CTNND1: variants seen among roughly 807,000 people sequenced by gnomAD.
CTNND1 encodes the protein catenin delta-1.
Under a neutral mutation model 112.1 loss-of-function variants are expected in CTNND1, and 16 were observed. That is an observed-to-expected ratio of 0.14 (90% CI 0.10 to 0.22). The LOEUF (loss-of-function observed/expected upper bound fraction) is 0.22, where lower values mean the gene tolerates loss of function less well. CTNND1 is among the 10% of genes least tolerant of loss of function. CTNND1 has a pLI of 1.00. For synonymous variants in CTNND1, 420 were observed against 446.5 expected (o/e 0.94, Z 0.75); for missense variants, 1,008 against 1,257.0 (o/e 0.80, Z 3.00).
At chr11:57,793,504 TA>T (rs1176622044) in intron 3 of CTNND1, among the ~76,000 whole-genome samples, 1 of 152,216 alleles carries the variant, frequency 6.6e-6, no homozygotes, top group Non-Finnish European at 1.5e-5. Flanking sequence ...CTTCTTTCTT[TA>T]AAAAGCTGCC....
At chr11:57,763,120 T>C (rs1441529296) in intron 1 of CTNND1, among the ~76,000 whole-genome samples, 7 of 152,210 alleles carry the variant, frequency 4.6e-5, no homozygotes, top group African/African-American at 1.7e-4. Context: ...TGAAATCTCT[T>C]AGAGCTGAAG....
At position 57,808,417 on chromosome 11, in the gene CTNND1, C is replaced by A; in HGVS notation, c.2119C>A (p.Arg707Ser). 1.2e-6 allele frequency: 2 copies of A among 1,610,976 alleles called. No homozygotes were observed. Among genetic ancestry groups the A allele is most frequent in the African/African-American group, 1.3e-5 (1 of 74,922 alleles). The change falls in exon 14 of 21, where the codon CGT (arginine) becomes AGT (serine). Residue 707 changes from arginine to serine, a missense_variant. Physicochemically the swap from Arg to Ser is moderately radical, Grantham distance 110. Coordinates refer to ENST00000399050, the MANE Select transcript of CTNND1 (RefSeq NM_001085458.2). ...TGGTCGATACATCCGCTCTGCTCTG[C>A]GTCAAGAGAAGGCTCTTTCTGCCAT... ...TYGRYIRSAL[R>S]QEKALSAIAD...
At chr11:57,814,281 T>G in intron 17 of CTNND1, 30 bp from the exon 18 acceptor site, 1 of 1,560,792 alleles carries the variant, frequency 6.4e-7, no homozygotes, top group African/African-American at 1.4e-5. Flanking sequence ...GAATTGTTTT[T>G]GACATGGATA....
At chr11:57,805,324 C>G (rs1406515524) in intron 9 of CTNND1, among the ~76,000 whole-genome samples, 1 of 152,106 alleles carries the variant, frequency 6.6e-6, no homozygotes, top group East Asian at 1.9e-4. Flanking sequence ...CGGCTCATTG[C>G]GACCTCTCCC....
chr11:57,804,902 C>G (rs921997481), intron 9 of CTNND1, 122 bp downstream of exon 9: 3 of 693,898 alleles, frequency 4.3e-6, no homozygotes, highest in African/African-American at 3.6e-5. Context: ...ATACTGTCCC[C>G]TACCCCTTAT....
At chr11:57,799,955 C>T (rs2061792647) in intron 6 of CTNND1, among the ~76,000 whole-genome samples, 1 of 125,180 alleles carries the variant, frequency 8.0e-6, no homozygotes, top group African/African-American at 3.0e-5. Context: ...TTTAAGCTAT[C>T]TAAGCTATTC....
At chr11:57,792,992 G>A (rs542753069) in intron 3 of CTNND1, among the ~76,000 whole-genome samples, 3 of 152,132 alleles carry the variant, frequency 2.0e-5, no homozygotes, top group Non-Finnish European at 2.9e-5. Flanking sequence ...TAGAAAGTTA[G>A]GGATGAAATT....
chr11:57,771,455 A>G (rs1388716512), intron 1 of CTNND1, among the ~76,000 whole-genome samples: 1 of 152,058 alleles, frequency 6.6e-6, no homozygotes, highest in Non-Finnish European at 1.5e-5. Flanking sequence ...TCTCATGTGT[A>G]AGGTATGTTT....
intron 1 of CTNND1, among the ~76,000 whole-genome samples, chr11:57,779,666 G>C (rs182325599): frequency 6.6e-6 from 1 of 152,236 alleles, no homozygotes; most frequent in East Asian, 1.9e-4. Flanking sequence ...TCTGATCTTT[G>C]CTTTTGGCTT....
In CTNND1 at chr11:57,810,259, T is replaced by C. The variant is rs767481143; in HGVS notation, c.2550+36T>C. ...TTTTGAGACCAAGACTTTTACTTTT[T>C]TTTTCTTGGTCCCAGGATAATGCTT... On this transcript the variant is annotated intron_variant, in intron 16 of 20. Coordinates refer to ENST00000399050, the MANE Select transcript of CTNND1 (RefSeq NM_001085458.2). 2.0e-5 allele frequency: 29 copies of C among 1,457,036 alleles called. No homozygotes were observed. In the African/African-American group the frequency reaches 3.6e-4, roughly 18 times the overall value. 90.3% of individuals were successfully genotyped at this position (1,457,036 alleles called of 1,614,324 possible).
In CTNND1 at chr11:57,817,920, G is replaced by A. The variant is rs2064061925; in HGVS notation, c.*1612G>A. 6.6e-6 allele frequency: 1 copy of A among 152,506 alleles called. No homozygotes were observed. Among genetic ancestry groups the A allele is most frequent in the African/African-American group, 2.4e-5 (1 of 41,376 alleles). The allele number at this position is 152,506 out of a possible 1,614,324, so 9.4% of individuals were successfully genotyped here. A position where few individuals can be genotyped will look rare whatever the true frequency, so the allele number is the denominator to read the frequency against. ...TCTAAAAGCTCTGTTCCATGCAACTGGAGTTCCTTATCCCTCTCTTCCCCT... is the reference window on the plus strand; with the variant it reads ...TCTAAAAGCTCTGTTCCATGCAACTAGAGTTCCTTATCCCTCTCTTCCCCT... On this transcript the variant is annotated 3_prime_UTR_variant, in exon 21 of 21. Transcript: ENST00000399050.
chr11:57,790,834 A>T (rs2060658169), intron 2 of CTNND1, among the ~76,000 whole-genome samples: 1 of 152,142 alleles, frequency 6.6e-6, no homozygotes, highest in Non-Finnish European at 1.5e-5. Flanking sequence ...CTGGGATTAC[A>T]GGTGTAAGCC....
chr11:57,795,692 C>T lies in CTNND1; in HGVS notation c.383C>T (p.Thr128Ile). Residue 128 changes from threonine (T) to isoleucine (I), a missense_variant, in exon 5 of 21, where the codon ACC becomes ATC. Transcript: ENST00000399050. ...GCCATGTCTGTAGTCTCTGTGGAGACCTCAGATGATGGGACCACTCGGCGC... is the reference window on the plus strand; with the variant it reads ...GCCATGTCTGTAGTCTCTGTGGAGATCTCAGATGATGGGACCACTCGGCGC... ...EGAMSVVSVE[T>I]SDDGTTRRTE... The T allele has an allele frequency of 6.2e-7, 1 of 1,607,954 alleles. No individual in the cohort carries two copies. The highest frequency in any genetic ancestry group is 1.1e-5 in the South Asian group (1 of 90,120).
chr11:57,803,833 G>T, intron 8 of CTNND1, 29 bp downstream of exon 8: 1 of 1,414,886 alleles, frequency 7.1e-7, no homozygotes, highest in South Asian at 1.6e-5. Flanking sequence ...AGAATATGAA[G>T]ATGAATTTTT....
intron 1 of CTNND1, among the ~76,000 whole-genome samples, chr11:57,781,452 A>G (rs2059573051): frequency 6.6e-6 from 1 of 152,092 alleles, no homozygotes; most frequent in Admixed American, 6.5e-5. Flanking sequence ...TATTTTTCAT[A>G]GTGTACCTGA....
chr11:57,806,142 G>A, intron 10 of CTNND1, 107 bp downstream of exon 10: 1 of 1,384,684 alleles, frequency 7.2e-7, no homozygotes, highest in Non-Finnish European at 9.6e-7. Flanking sequence ...AGTCTGCCTG[G>A]TTATGGATGT....
At chr11:57,800,597 G>T (rs538110243) in intron 6 of CTNND1, among the ~76,000 whole-genome samples, 1 of 152,264 alleles carries the variant, frequency 6.6e-6, no homozygotes, top group African/African-American at 2.4e-5. Flanking sequence ...AGACCATCTT[G>T]GTCATGGTTT....
intron 1 of CTNND1, among the ~76,000 whole-genome samples, chr11:57,781,163 T>C (rs1208033860): frequency 6.6e-6 from 1 of 151,990 alleles, no homozygotes; most frequent in East Asian, 1.9e-4. Flanking sequence ...AGTCTCAAAC[T>C]CCTGACCTGG....
chr11:57,770,095 G>A (rs997087483), intron 1 of CTNND1, among the ~76,000 whole-genome samples: 8 of 152,072 alleles, frequency 5.3e-5, no homozygotes, highest in African/African-American at 7.2e-5. Flanking sequence ...TTGGGAGGCC[G>A]AAGGCAGGTG....
Sources: allele counts gnomAD v4.1 joint callset (sites outside exome capture counted in the v4.1 genomes callset), GRCh38; gene constraint gnomAD v4.1.1; transcripts MANE v1.5; gene names NCBI Gene and HGNC (gene_info 2026-07-23, HGNC 2026-07-21).